Variants in ZRANB3 observed in about 807,000 individuals in gnomAD.
ZRANB3 encodes the protein zinc finger RANBP2-type containing 3, also known as DNA annealing helicase and endonuclease ZRANB3.
Under a neutral mutation model 133.8 loss-of-function variants are expected in ZRANB3, and 125 were observed. The observed-to-expected ratio is 0.93, with a 90% confidence interval of 0.81 to 1.08. The LOEUF is 1.08. Ranked by LOEUF, ZRANB3 falls within the 50% of genes least tolerant of loss-of-function variation. The pLI is 0.00. For synonymous variants in ZRANB3, 387 were observed against 432.7 expected (o/e 0.89, Z 1.31); for missense variants, 1,229 against 1,275.5 (o/e 0.96, Z 0.56).
chr2:135,403,436 A>G (rs1687840342), intron 2 of ZRANB3, among the ~76,000 whole-genome samples: 1 of 152,212 alleles, frequency 6.6e-6, no homozygotes, highest in Admixed American at 6.5e-5. Context: ...AGGCTTGAGT[A>G]GGTAAACAAA....
chr2:135,253,915 T>C (rs1679523543), intron 12 of ZRANB3, among the ~76,000 whole-genome samples: 1 of 152,230 alleles, frequency 6.6e-6, no homozygotes, highest in Non-Finnish European at 1.5e-5. Flanking sequence ...GGACTATCTT[T>C]TGAAGACAGA....
intron 12 of ZRANB3, among the ~76,000 whole-genome samples, chr2:135,262,024 G>A (rs1679989554): frequency 6.6e-6 from 1 of 151,928 alleles, no homozygotes; most frequent in African/African-American, 2.4e-5. Context: ...GCCAGGCGTG[G>A]TGGCGTGTGC....
In ZRANB3 at chr2:135,295,446, C is replaced by A. The variant is rs1422984680; in HGVS notation, c.966+18043G>T. ...ATTTGCTTGGTAGATCTTCCTCCAT[C>A]CTTTTATTTTGAGCCTGTGTGTGTC... On this transcript the variant is annotated intron_variant, in intron 8 of 20. Transcript: ENST00000264159. Among the ~76,000 whole-genome samples the A allele has an allele frequency of 8.5e-5, 13 of 152,230 alleles. No individual in the cohort carries two copies. The East Asian group carries it at 2.3e-3, about 27-fold the overall frequency.
At position 135,334,789 on chromosome 2, in the gene ZRANB3, G is replaced by C. The variant is rs6430569; in HGVS notation, c.677+10761C>G. Among the ~76,000 whole-genome samples the C allele has an allele frequency of 1.9e-3, 285 of 151,836 alleles. 2 individuals are homozygous for C. The highest frequency in any genetic ancestry group is 6.7e-3 in the African/African-American group (275 of 41,308). On this transcript the variant is annotated intron_variant, in intron 6 of 20. Transcript: ENST00000264159. ...GCGCGCCTGTAGTCCCAGCTACTTA[G>C]GAGGCTGAGGCAAGAGAATCGGTTG...
chr2:135,399,697 T>C (rs749971975), intron 2 of ZRANB3, among the ~76,000 whole-genome samples: 7 of 152,222 alleles, frequency 4.6e-5, no homozygotes, highest in Non-Finnish European at 8.8e-5. Flanking sequence ...TTTTCACTTA[T>C]AACTGAGTTG....
chr2:135,294,995 C>T (rs1681970276), intron 8 of ZRANB3, among the ~76,000 whole-genome samples: 1 of 152,066 alleles, frequency 6.6e-6, no homozygotes, highest in Non-Finnish European at 1.5e-5. Context: ...TTTACATTTG[C>T]TGAGGAGTGC....
chr2:135,377,994 C>A (rs1686503333), intron 3 of ZRANB3, among the ~76,000 whole-genome samples: 1 of 152,324 alleles, frequency 6.6e-6, no homozygotes, highest in East Asian at 1.9e-4. Flanking sequence ...TTCTGCTGTG[C>A]TAGATGCTTC....
At chr2:135,413,109 CT>C (rs1403925478) in intron 2 of ZRANB3, among the ~76,000 whole-genome samples, 1 of 152,148 alleles carries the variant, frequency 6.6e-6, no homozygotes, top group African/African-American at 2.4e-5. Context: ...ATATAGGCTG[CT>C]TCACATAAAG....
intron 12 of ZRANB3, among the ~76,000 whole-genome samples, chr2:135,238,589 C>T (rs1386775965): frequency 6.6e-6 from 1 of 152,058 alleles, no homozygotes; most frequent in East Asian, 1.9e-4. Flanking sequence ...GTCTTGAACT[C>T]CTGACCTGAG....
intron 2 of ZRANB3, among the ~76,000 whole-genome samples, chr2:135,440,967 C>T (rs1426268394): frequency 6.6e-6 from 1 of 151,964 alleles, no homozygotes; most frequent in Admixed American, 6.6e-5. Context: ...ATGAATGAAG[C>T]CTCAGACAGA....
chr2:135,330,686 CTTT>C (rs112938979), intron 6 of ZRANB3, among the ~76,000 whole-genome samples: 1 of 151,726 alleles, frequency 6.6e-6, no homozygotes, highest in African/African-American at 2.4e-5. Context: ...TGGTCCTGGA[CTTT>C]TTTTTGGTTA....
chr2:135,326,892 C>T (rs1272852495), intron 6 of ZRANB3, among the ~76,000 whole-genome samples: 1 of 121,030 alleles, frequency 8.3e-6, no homozygotes, highest in African/African-American at 3.8e-5. Flanking sequence ...GAACAAGACT[C>T]CATCTCAAAA....
intron 8 of ZRANB3, among the ~76,000 whole-genome samples, chr2:135,285,064 C>T (rs184210978): frequency 4.7e-4 from 72 of 151,906 alleles, no homozygotes; most frequent in Admixed American, 2.0e-3. Flanking sequence ...AGGCTGGTCT[C>T]GAACTCCCGG....
At chr2:135,341,473 G>C (rs1684660192) in intron 6 of ZRANB3, among the ~76,000 whole-genome samples, 1 of 149,954 alleles carries the variant, frequency 6.7e-6, no homozygotes, top group South Asian at 2.1e-4. Flanking sequence ...TGTGATGATT[G>C]CATTATCTGC....
intron 15 of ZRANB3, among the ~76,000 whole-genome samples, chr2:135,222,949 A>AAAAC (rs1031761325): frequency 1.3e-5 from 2 of 151,988 alleles, no homozygotes; most frequent in Admixed American, 6.6e-5. Flanking sequence ...TCTCTCTCCA[A>AAAAC]AAACAAACAA....
At chr2:135,517,007 T>G (rs1383199746) in intron 1 of ZRANB3, among the ~76,000 whole-genome samples, 1 of 151,954 alleles carries the variant, frequency 6.6e-6, no homozygotes, top group African/African-American at 2.4e-5. Context: ...TCTTCACACT[T>G]TATTTCATTA....
Position 135,346,621 on chromosome 2 carries a change from C to T in ZRANB3, c.592-986G>A, listed in dbSNP as rs117409555. 1.4e-4 allele frequency among the ~76,000 whole-genome samples: 21 copies of T among 152,196 alleles called. No individual in the cohort carries two copies. In the East Asian group the frequency reaches 3.9e-3, roughly 28 times the overall value. On this transcript the variant is annotated intron_variant, in intron 5 of 20. Transcript: ENST00000264159. ...GGAATAGCTGATTCTAAGGTACATG[C>T]TGTTTTAAAGTTTGATAATGTTACC...
chr2:135,458,810 T>C (rs1330539021), intron 2 of ZRANB3, among the ~76,000 whole-genome samples: 1 of 152,178 alleles, frequency 6.6e-6, no homozygotes, highest in Non-Finnish European at 1.5e-5. Flanking sequence ...GTGCTAAATT[T>C]ATTATTTTGC....
chr2:135,454,341 A>G (rs1487292674), intron 2 of ZRANB3, among the ~76,000 whole-genome samples: 1 of 152,192 alleles, frequency 6.6e-6, no homozygotes, highest in Admixed American at 6.5e-5. Context: ...TTATATAAAA[A>G]CATTGTTTCG....
Sources: gnomAD v4.1 joint callset for allele counts (sites outside exome capture counted in the v4.1 genomes callset) on GRCh38, gnomAD v4.1.1 for gene constraint, MANE v1.5 for transcripts, NCBI Gene and HGNC (gene_info 2026-07-23, HGNC 2026-07-21) for gene names.